UNC79: variants seen among roughly 807,000 people sequenced by gnomAD.
The protein encoded by UNC79 is protein unc-79 homolog.
UNC79 carries 37 observed loss-of-function variants against 283.1 expected under a neutral mutation model. The ratio of observed to expected loss-of-function variants is 0.13; its 90% CI spans 0.10 to 0.17. The LOEUF is 0.17. Ranked by LOEUF, UNC79 falls within the 10% of genes least tolerant of loss-of-function variation. UNC79 has a pLI of 1.00. For missense variants in UNC79, 2,272 were observed against 3,211.1 expected, an observed-to-expected ratio of 0.71 and a Z score of 7.07; for synonymous variants, 1,107 against 1,200.2, an observed-to-expected ratio of 0.92 and a Z score of 1.61.
At chr14:93,628,889 A>G (rs61253323) in intron 30 of UNC79, among the ~76,000 whole-genome samples, 25,696 of 152,122 alleles carry the variant, frequency 0.17, 2,338 homozygotes, top group Middle Eastern at 0.22. Flanking sequence ...AATTAAAGAT[A>G]CAGCAAGGAT....
chr14:93,355,922 T>TA (rs2054077131), intron 1 of UNC79, among the ~76,000 whole-genome samples: 1 of 152,174 alleles, frequency 6.6e-6, no homozygotes, highest in Non-Finnish European at 1.5e-5. Flanking sequence ...GCTCTCAGAT[T>TA]AAATGTGTCC....
chr14:93,529,416 AAGAC>A, intron 10 of UNC79, 90 bp downstream of exon 10: 1 of 1,416,496 alleles, frequency 7.1e-7, no homozygotes, highest in Non-Finnish European at 9.8e-7. Flanking sequence ...TTATTTTACA[AAGAC>A]AGTCACCAAA....
At chr14:93,368,505 T>C (rs1055192736) in intron 1 of UNC79, among the ~76,000 whole-genome samples, 4 of 151,990 alleles carry the variant, frequency 2.6e-5, no homozygotes, top group African/African-American at 9.7e-5. Flanking sequence ...CATAGTCTTG[T>C]TCTGTCGTCC....
At chr14:93,612,758 G>A (rs1367003335) in intron 26 of UNC79, 39 bp from the exon 28 acceptor site, 1 of 1,596,884 alleles carries the variant, frequency 6.3e-7, no homozygotes, top group Admixed American at 1.7e-5. Flanking sequence ...CTTCACTTGT[G>A]AGTGAGCCAC....
chr14:93,371,502 A>G (rs1022997446), intron 1 of UNC79, among the ~76,000 whole-genome samples: 1 of 152,172 alleles, frequency 6.6e-6, no homozygotes, highest in African/African-American at 2.4e-5. Context: ...AAATTCCTGA[A>G]GGAAACCAGT....
chr14:93,339,993 G>A (rs780239483), intron 1 of UNC79, among the ~76,000 whole-genome samples: 14 of 152,164 alleles, frequency 9.2e-5, no homozygotes, highest in East Asian at 1.9e-4. Context: ...CATGGCTTTC[G>A]TGATTGAATA....
At chr14:93,678,342 C>T (rs1177816310) in intron 41 of UNC79, among the ~76,000 whole-genome samples, 1 of 152,232 alleles carries the variant, frequency 6.6e-6, no homozygotes, top group Non-Finnish European at 1.5e-5. Context: ...CACTGGTCCC[C>T]ATGCTGAAAA....
chr14:93,678,204 A>G (rs962592571), intron 41 of UNC79, among the ~76,000 whole-genome samples: 2 of 152,174 alleles, frequency 1.3e-5, no homozygotes, highest in Non-Finnish European at 2.9e-5. Context: ...TTCTTTATGT[A>G]TATCAGTGAC....
intron 1 of UNC79, among the ~76,000 whole-genome samples, chr14:93,361,211 C>CAAAAAAAAAAAAAAAAAAAA (rs58267219): frequency 2.6e-4 from 14 of 54,354 alleles, no homozygotes; most frequent in Non-Finnish European, 4.1e-4. Context: ...GACTCTGTCT[C>CAAAAAAAAAAAAAAAAAAAA]AAAAAAAAAA....
At chr14:93,637,393 G>T (rs1566830375) in intron 32 of UNC79, 94 bp downstream of exon 35, 1 of 1,548,532 alleles carries the variant, frequency 6.5e-7, no homozygotes, top group East Asian at 2.3e-5. Flanking sequence ...CTTTTTCTTA[G>T]CACCTCCATG....
chr14:93,612,936 C>T (rs2066413787), exon 27 of UNC79: 4 of 1,614,162 alleles, frequency 2.5e-6, no homozygotes, highest in Non-Finnish European at 3.4e-6. Context: ...CTGAGTCAGA[C>T]ATCAGCAGTG....
At chr14:93,629,500 G>A (rs190976288) in intron 30 of UNC79, among the ~76,000 whole-genome samples, 164 of 152,240 alleles carry the variant, frequency 1.1e-3, no homozygotes, top group Non-Finnish European at 1.5e-3. Context: ...GAGGGTTTGG[G>A]AAACTTTACA....
chr14:93,564,923 C>T (rs2062785767), intron 14 of UNC79, among the ~76,000 whole-genome samples: 1 of 152,152 alleles, frequency 6.6e-6, no homozygotes, highest in African/African-American at 2.4e-5. Context: ...TGTACACGTG[C>T]AGGTCACAGG....
intron 39 of UNC79, among the ~76,000 whole-genome samples, chr14:93,660,158 C>G (rs1448042774): frequency 6.6e-6 from 1 of 152,094 alleles, no homozygotes; most frequent in African/African-American, 2.4e-5. Context: ...ATTTAATATA[C>G]CAACAATGTA....
upstream of UNC79, among the ~76,000 whole-genome samples, chr14:93,427,012 G>T (rs538786930): frequency 3.3e-5 from 5 of 152,156 alleles, no homozygotes; most frequent in African/African-American, 1.2e-4. Flanking sequence ...TTTTTAGCAG[G>T]TAACTAACTT....
chr14:93,697,320 G>A (rs1353142860), intron 47 of UNC79, among the ~76,000 whole-genome samples: 1 of 152,010 alleles, frequency 6.6e-6, no homozygotes, highest in Non-Finnish European at 1.5e-5. Context: ...ATTTTTAATA[G>A]AGACAGGGTT....
intron 7 of UNC79, among the ~76,000 whole-genome samples, chr14:93,502,905 A>G (rs1186309411): frequency 6.6e-6 from 1 of 152,232 alleles, no homozygotes; most frequent in Non-Finnish European, 1.5e-5. Context: ...GTTAAGTGCA[A>G]GAAGGTCTAC....
At chr14:93,592,602 A>G (rs959063346) in intron 22 of UNC79, among the ~76,000 whole-genome samples, 17 of 152,176 alleles carry the variant, frequency 1.1e-4, no homozygotes, top group Non-Finnish European at 2.9e-5. Context: ...GTATAAGTGG[A>G]CCTGTACAGT....
At chr14:93,671,534 A>G in intron 40 of UNC79, among the ~76,000 whole-genome samples, 1 of 152,280 alleles carries the variant, frequency 6.6e-6, no homozygotes. Flanking sequence ...GCACTTTCGG[A>G]GGCCGAGGCA....
Sources: allele counts gnomAD v4.1 joint callset (sites outside exome capture counted in the v4.1 genomes callset), GRCh38; gene constraint gnomAD v4.1.1; transcripts MANE v1.5; gene names NCBI Gene and HGNC (gene_info 2026-07-23, HGNC 2026-07-21).